The following MTUS2 variants were observed in gnomAD, a reference collection of about 807,000 sequenced individuals.
MTUS2 encodes microtubule-associated tumor suppressor candidate 2.
MTUS2 carries 40 observed loss-of-function variants against 114.1 expected under a neutral mutation model. That is an observed-to-expected ratio of 0.35 (90% CI 0.27 to 0.46). MTUS2 has a LOEUF of 0.46. Ranked by LOEUF, MTUS2 falls within the 20% of genes least tolerant of loss-of-function variation. MTUS2 has a pLI of 1.00. For missense variants in MTUS2, 1,679 were observed against 1,705.4 expected (o/e 0.98, Z 0.27); for synonymous variants, 688 against 672.0 (o/e 1.02, Z -0.37).
At chr13:29,399,719 A>G (rs952906427) in intron 8 of MTUS2, among the ~76,000 whole-genome samples, 8 of 152,214 alleles carry the variant, frequency 5.3e-5, no homozygotes, top group Admixed American at 3.9e-4. Context: ...GAAAAAAAGA[A>G]CAGAGAGAAT....
chr13:29,094,229 C>CCCT (rs34585284), intron 4 of MTUS2, among the ~76,000 whole-genome samples: 101,769 of 151,574 alleles, frequency 0.67, 34,858 homozygotes, highest in Non-Finnish European at 0.74. Flanking sequence ...TAGAAGTATT[C>CCCT]CCTCTTCTTT....
chr13:29,439,037 C>T (rs923910482), intron 8 of MTUS2, among the ~76,000 whole-genome samples: 1 of 152,082 alleles, frequency 6.6e-6, no homozygotes, highest in African/African-American at 2.4e-5. Context: ...CTCAAGGCCC[C>T]GATGATACTC....
intron 6 of MTUS2, among the ~76,000 whole-genome samples, chr13:29,297,021 C>G (rs1021689233): frequency 6.6e-6 from 1 of 152,122 alleles, no homozygotes; most frequent in African/African-American, 2.4e-5. Flanking sequence ...AATCTTTGCC[C>G]AGACCAATGT....
intron 4 of MTUS2, among the ~76,000 whole-genome samples, chr13:29,065,699 G>GGAGAGGCT (rs1260283968): frequency 6.6e-6 from 1 of 152,164 alleles, no homozygotes; most frequent in Non-Finnish European, 1.5e-5. Flanking sequence ...AGGAGCAGAT[G>GGAGAGGCT]GAGAGGCTGT....
chr13:29,202,485 C>T (rs1479819502), intron 5 of MTUS2, among the ~76,000 whole-genome samples: 1 of 152,084 alleles, frequency 6.6e-6, no homozygotes, highest in Non-Finnish European at 1.5e-5. Flanking sequence ...TGGTATTACA[C>T]ACCTTCTGAA....
At chr13:28,924,481 G>T (rs1433020842) in intron 2 of MTUS2, among the ~76,000 whole-genome samples, 1 of 152,162 alleles carries the variant, frequency 6.6e-6, no homozygotes, top group African/African-American at 2.4e-5. Flanking sequence ...TGCTGTGTCT[G>T]GCCAAGGTCA....
intron 1 of MTUS2, among the ~76,000 whole-genome samples, chr13:28,828,509 T>G (rs575604723): frequency 3.9e-5 from 6 of 152,206 alleles, no homozygotes; most frequent in Non-Finnish European, 7.3e-5. Context: ...TCTTCAGAGA[T>G]TGCAGTAAAG....
chr13:29,065,752 A>G (rs1888634977), intron 4 of MTUS2, among the ~76,000 whole-genome samples: 1 of 152,112 alleles, frequency 6.6e-6, no homozygotes, highest in African/African-American at 2.4e-5. Flanking sequence ...CTCACCCCAG[A>G]TTCTCTATTT....
chr13:29,181,084 C>T (rs1296820067), intron 5 of MTUS2, among the ~76,000 whole-genome samples: 1 of 152,030 alleles, frequency 6.6e-6, no homozygotes, highest in East Asian at 1.9e-4. Flanking sequence ...CCCTTTTCGC[C>T]ATTTCAAAAG....
intron 4 of MTUS2, among the ~76,000 whole-genome samples, chr13:29,081,755 G>A (rs968256519): frequency 3.3e-5 from 3 of 90,530 alleles, no homozygotes; most frequent in Non-Finnish European, 6.8e-5. Context: ...GATTACCAGA[G>A]GTTTGGTTAT....
chr13:28,998,623 C>T lies in MTUS2; in HGVS notation c.-242-25834C>T, dbSNP rs184650622. Among the ~76,000 whole-genome samples the T allele has an allele frequency of 1.2e-4, 19 of 152,284 alleles. 1 individual carries two copies. In the East Asian group the frequency reaches 1.5e-3, roughly 12 times the overall value. On this transcript the variant is annotated intron_variant, in intron 2 of 15. Transcript: ENST00000612955. ...TCTTTTTTCTCTAAACTTCTCTTCA[C>T]GCTTCATTTCATTCATTTGACCTTC...
chr13:29,269,913 T>G (rs1897815250), intron 5 of MTUS2, among the ~76,000 whole-genome samples: 1 of 152,086 alleles, frequency 6.6e-6, no homozygotes, highest in South Asian at 2.1e-4. Context: ...ACAACATAGA[T>G]GAATTTTGAG....
rs760212865 is a variant in MTUS2 at position 28,956,290 on chromosome 13, C to G, written c.-242-68167C>G. Among the ~76,000 whole-genome samples the G allele has an allele frequency of 3.6e-4, 55 of 152,184 alleles. 1 individual carries two copies. Among genetic ancestry groups the G allele is most frequent in the African/African-American group, 1.3e-3 (53 of 41,522 alleles). On this transcript the variant is annotated intron_variant, in intron 2 of 15. Transcript: ENST00000612955. ...GTCACTAGCTTTTTTCAGTCCCCAC[C>G]CTCACCCTCACTCCTATCCCCAGCA...
At chr13:29,325,946 C>T (rs904980218) in intron 7 of MTUS2, among the ~76,000 whole-genome samples, 1 of 152,144 alleles carries the variant, frequency 6.6e-6, no homozygotes, top group Non-Finnish European at 1.5e-5. Flanking sequence ...ACACTGTTAA[C>T]CCAGCAGCAT....
At chr13:28,839,553 T>C (rs907054749) in intron 1 of MTUS2, among the ~76,000 whole-genome samples, 10 of 152,136 alleles carry the variant, frequency 6.6e-5, no homozygotes, top group African/African-American at 2.4e-4. Context: ...AATCTGAAAA[T>C]AAGATTAAGT....
rs1897916423 is a variant in MTUS2 at position 29,272,482 on chromosome 13, C to A, written c.2645-9222C>A. Among the ~76,000 whole-genome samples, 3 of 152,100 alleles carry A rather than the reference C, an allele frequency of 2.0e-5. No individual in the cohort carries two copies. The South Asian group carries it at 6.2e-4, about 32-fold the overall frequency. On this transcript the variant is annotated intron_variant, in intron 5 of 15. Coordinates refer to ENST00000612955, the MANE Select transcript of MTUS2 (RefSeq NM_001033602.4). ...CATTTTGGTCTGGTTAGTGTTTATACCCTGTTGCCATTATTTCTTTTGGGA... is the reference window on the plus strand; with the variant it reads ...CATTTTGGTCTGGTTAGTGTTTATAACCTGTTGCCATTATTTCTTTTGGGA...
intron 2 of MTUS2, among the ~76,000 whole-genome samples, chr13:28,858,353 G>C (rs761571166): frequency 1.3e-5 from 2 of 152,138 alleles, no homozygotes; most frequent in Non-Finnish European, 2.9e-5. Context: ...TCACTGACCT[G>C]CTGGAGAAAA....
chr13:28,999,732 T>C (rs1885297306), intron 2 of MTUS2, among the ~76,000 whole-genome samples: 1 of 152,186 alleles, frequency 6.6e-6, no homozygotes, highest in Non-Finnish European at 1.5e-5. Flanking sequence ...TCCTCCTAAC[T>C]GTAACTTTGT....
rs189969851 is a variant in MTUS2, at chr13:29,262,696, G to A, written c.2645-19008G>A. On this transcript the variant is annotated intron_variant, in intron 5 of 15. Coordinates refer to ENST00000612955, the MANE Select transcript of MTUS2 (RefSeq NM_001033602.4). ...GAGCAGTAGAAGCTTGTGAAGCTGG[G>A]GAGGACTGTCAGTGTCAATACCTGC... Among the ~76,000 whole-genome samples, 25 of 152,306 alleles carry A rather than the reference G, an allele frequency of 1.6e-4. 1 individual carries two copies. The East Asian group carries it at 3.5e-3, about 21-fold the overall frequency.
Sources: gnomAD v4.1 joint callset for allele counts (sites outside exome capture counted in the v4.1 genomes callset) on GRCh38, gnomAD v4.1.1 for gene constraint, MANE v1.5 for transcripts, NCBI Gene and HGNC (gene_info 2026-07-23, HGNC 2026-07-21) for gene names.